The following RBFOX1 variants were observed in gnomAD, a reference collection of about 807,000 sequenced individuals.
RBFOX1 encodes RNA binding protein fox-1 homolog 1.
RBFOX1 carries 8 observed loss-of-function variants against 57.7 expected under a neutral mutation model. The observed-to-expected ratio is 0.14, with a 90% CI of 0.08 to 0.25. The LOEUF is 0.25. Ranked by LOEUF, RBFOX1 falls within the 10% of genes least tolerant of loss-of-function variation. RBFOX1 has a pLI of 1.00. For missense variants in RBFOX1, 611 were observed against 548.5 expected, an observed-to-expected ratio of 1.11 and a Z score of -1.14; for synonymous variants, 326 against 222.4, an observed-to-expected ratio of 1.47 and a Z score of -4.15.
At chr16:5,809,892 A>G (rs1281215054) in intron 3 of RBFOX1, among the ~76,000 whole-genome samples, 1 of 152,150 alleles carries the variant, frequency 6.6e-6, no homozygotes, top group African/African-American at 2.4e-5. Context: ...TTTTTGCGGC[A>G]CTATCCACAA....
intron 4 of RBFOX1, among the ~76,000 whole-genome samples, chr16:7,404,705 A>G (rs1233241529): frequency 4.1e-5 from 6 of 146,252 alleles, no homozygotes. Context: ...TTTTTCAGAA[A>G]AAACAAACAA....
At chr16:6,412,054 A>G (rs949513115) in intron 2 of RBFOX1, among the ~76,000 whole-genome samples, 2 of 150,532 alleles carry the variant, frequency 1.3e-5, no homozygotes, top group African/African-American at 4.9e-5. Context: ...ATTGCTTGAA[A>G]CCCGGGAGGC....
intron 5 of RBFOX1, among the ~76,000 whole-genome samples, chr16:7,544,762 T>C (rs1043870083): frequency 6.6e-6 from 1 of 152,212 alleles, no homozygotes; most frequent in African/African-American, 2.4e-5. Flanking sequence ...AGGAAAGTAA[T>C]AGCACATGAG....
Position 7,439,112 on chromosome 16 carries a change from C to T in RBFOX1, c.28-79035C>T, listed in dbSNP as rs138061481. 3.7e-4 allele frequency among the ~76,000 whole-genome samples: 57 copies of T among 152,278 alleles called. No homozygotes were observed. The East Asian group carries it at 8.5e-3, about 23-fold the overall frequency. On this transcript the variant is annotated intron_variant, in intron 4 of 15. Transcript: ENST00000550418. ...TGTGCACAGAGGAGCATGGTCCTCG[C>T]GCTGGCAAATGGATGCCCTTGTCCT...
At chr16:6,280,993 G>T (rs1360455534) in intron 1 of RBFOX1, among the ~76,000 whole-genome samples, 1 of 151,014 alleles carries the variant, frequency 6.6e-6, no homozygotes, top group African/African-American at 2.4e-5. Flanking sequence ...ATATGTGTGT[G>T]TGTATATATG....
chr16:7,584,978 C>G (rs1445543745), intron 6 of RBFOX1, among the ~76,000 whole-genome samples: 2 of 152,170 alleles, frequency 1.3e-5, no homozygotes, highest in African/African-American at 2.4e-5. Flanking sequence ...TTGATTGGTT[C>G]TGTCTCAATC....
intron 1 of RBFOX1, among the ~76,000 whole-genome samples, chr16:6,316,751 T>C (rs948882523): frequency 6.6e-6 from 1 of 152,134 alleles, no homozygotes; most frequent in African/African-American, 2.4e-5. Flanking sequence ...TGGGCCTCAG[T>C]TTCCTCTTCT....
At chr16:6,955,680 G>C (rs964705475) in intron 3 of RBFOX1, among the ~76,000 whole-genome samples, 1 of 101,218 alleles carries the variant, frequency 9.9e-6, no homozygotes, top group East Asian at 2.0e-4. Flanking sequence ...TATTTATTTA[G>C]GTATGTATGT....
At chr16:7,267,122 A>G (rs538411388) in intron 4 of RBFOX1, among the ~76,000 whole-genome samples, 6 of 152,150 alleles carry the variant, frequency 3.9e-5, no homozygotes, top group East Asian at 3.9e-4. Flanking sequence ...ATTAAATGCA[A>G]TGGGGAGCTG....
intron 1 of RBFOX1, among the ~76,000 whole-genome samples, chr16:5,463,209 G>A (rs1482861975): frequency 6.6e-6 from 1 of 152,150 alleles, no homozygotes; most frequent in South Asian, 2.1e-4. Context: ...ATTCAAAGAG[G>A]ATTGGTTGGT....
chr16:6,408,463 G>A (rs148954395), intron 2 of RBFOX1, among the ~76,000 whole-genome samples: 1 of 152,138 alleles, frequency 6.6e-6, no homozygotes, highest in Non-Finnish European at 1.5e-5. Flanking sequence ...TCTTTATGCA[G>A]CTGGTGCTCA....
rs1053921212 is a variant in RBFOX1 at position 6,716,485 on chromosome 16, A to G, written c.-16+61835A>G. On this transcript the variant is annotated intron_variant, in intron 3 of 15. Transcript: ENST00000550418. Reference sequence around the variant, plus strand: ...TTCCATATTTTTGGCTAAATCTGTTATTACCTGCCCATTTCAGCAACTAAA... The same window carrying G: ...TTCCATATTTTTGGCTAAATCTGTTGTTACCTGCCCATTTCAGCAACTAAA... 6.6e-5 allele frequency among the ~76,000 whole-genome samples: 10 copies of G among 152,212 alleles called. No individual in the cohort carries two copies. In the South Asian group the frequency reaches 2.1e-3, roughly 32 times the overall value.
In RBFOX1 at chr16:6,602,363, C is replaced by G. The variant is rs544653782; in HGVS notation, c.-63-52240C>G. Among the ~76,000 whole-genome samples the G allele has an allele frequency of 4.6e-5, 7 of 152,118 alleles. No individual in the cohort carries two copies. The South Asian group carries it at 1.2e-3, about 27-fold the overall frequency. The stretch of plus-strand genomic sequence containing the variant: ...TTCTTTTTCCTTTTTGTTGCCTGTA[C>G]TTTTTGTCCTGAGCTGTTTATAAGG... On this transcript the variant is annotated intron_variant, in intron 2 of 15. Transcript: ENST00000550418.
intron 1 of RBFOX1, among the ~76,000 whole-genome samples, chr16:5,449,827 C>G (rs1597112053): frequency 1.3e-5 from 2 of 152,080 alleles, no homozygotes; most frequent in East Asian, 3.9e-4. Context: ...AGTCTGGTCT[C>G]AAACTCCCGG....
chr16:5,439,301 A>C lies in RBFOX1; in HGVS notation c.220-27915A>C, dbSNP rs116790213. ...TGGCTTTGGAAGCCACAGGAAAGCA[A>C]ACAGACTTTATTTTACATGTAATGG... On this transcript the variant is annotated intron_variant, in intron 1 of 2. Coordinates refer to the RBFOX1 transcript ENST00000585867. 9.8e-3 allele frequency among the ~76,000 whole-genome samples: 1,492 copies of C among 152,258 alleles called. 18 individuals carry two copies. Among genetic ancestry groups the C allele is most frequent in the African/African-American group, 0.033 (1,389 of 41,540 alleles).
intron 1 of RBFOX1, among the ~76,000 whole-genome samples, chr16:5,454,901 T>C (rs1367755733): frequency 8.3e-6 from 1 of 120,194 alleles, no homozygotes. Context: ...TTTCTTTCTT[T>C]CTTTCTTTCT....
chr16:6,543,690 C>T (rs932240363), intron 2 of RBFOX1, among the ~76,000 whole-genome samples: 1 of 152,012 alleles, frequency 6.6e-6, no homozygotes, highest in Non-Finnish European at 1.5e-5. Flanking sequence ...AGAGGAGAAC[C>T]TACGGGATTA....
At chr16:5,843,323 C>T (rs541145356) in intron 3 of RBFOX1, among the ~76,000 whole-genome samples, 1 of 152,336 alleles carries the variant, frequency 6.6e-6, no homozygotes, top group African/African-American at 2.4e-5. Context: ...CCAGTGTGTG[C>T]TGTTCCCTTC....
intron 1 of RBFOX1, among the ~76,000 whole-genome samples, chr16:5,436,933 T>C (rs1476560509): frequency 4.9e-4 from 74 of 152,216 alleles, no homozygotes; most frequent in Non-Finnish European, 1.0e-3. Flanking sequence ...CAAGAGTCTT[T>C]TCCCCCATAG....
Sources: allele counts gnomAD v4.1 joint callset (sites outside exome capture counted in the v4.1 genomes callset), GRCh38; gene constraint gnomAD v4.1.1; transcripts MANE v1.5; gene names NCBI Gene and HGNC (gene_info 2026-07-23, HGNC 2026-07-21).